SLC36A4: variants seen among roughly 807,000 people sequenced by gnomAD.
SLC36A4 encodes the protein neutral amino acid uniporter 4.
Under a neutral mutation model 50.5 loss-of-function variants are expected in SLC36A4, and 49 were observed. The ratio of observed to expected loss-of-function variants is 0.97; its 90% CI spans 0.77 to 1.23. SLC36A4 has a LOEUF of 1.23. SLC36A4 is among the 50% of genes most tolerant of loss of function. The pLI is 0.00. For synonymous variants in SLC36A4, 207 were observed against 206.5 expected, an observed-to-expected ratio of 1.00 and a Z score of -0.02; for missense variants, 611 against 608.4, an observed-to-expected ratio of 1.00 and a Z score of -0.05.
intron 1 of SLC36A4, among the ~76,000 whole-genome samples, chr11:93,189,373 A>G (rs1862119109): frequency 6.6e-6 from 1 of 151,968 alleles, no homozygotes; most frequent in Non-Finnish European, 1.5e-5. Context: ...ATCTTAACTA[A>G]TTACAGCTAC....
Position 93,148,067 on chromosome 11 carries a change from A to AT in SLC36A4, c.*469dup, listed in dbSNP as rs149081554. On this transcript the variant is annotated 3_prime_UTR_variant, in exon 11 of 11. Transcript: ENST00000326402. The stretch of plus-strand genomic sequence containing the variant: ...TTTGGCTAATAAAAACATAACTGAG[A>AT]TTTTTTTTTTTTACACTGTACATAA... The AT allele has an allele frequency of 0.043, 6,349 of 146,858 alleles. 182 individuals are homozygous for AT. Among genetic ancestry groups the AT allele is most frequent in the South Asian group, 0.1 (469 of 4,654 alleles). The allele number at this position is 146,858 out of a possible 1,614,324, so 9.1% of individuals were successfully genotyped here. A position where few individuals can be genotyped will look rare whatever the true frequency, so the allele number is the denominator to read the frequency against.
chr11:93,158,094 C>G lies in SLC36A4; in HGVS notation c.1038-3817G>C, dbSNP rs183775112. On this transcript the variant is annotated intron_variant, in intron 9 of 10. Transcript: ENST00000326402. The stretch of plus-strand genomic sequence containing the variant: ...TTAGGAAGGAAAGAACTCCTTAGAG[C>G]TAACAACATTTAAAACTTAATTTTA... 2.4e-3 allele frequency among the ~76,000 whole-genome samples: 360 copies of G among 152,272 alleles called. 3 individuals carry two copies. The highest frequency in any genetic ancestry group is 8.2e-3 in the African/African-American group (339 of 41,568).
rs1350465682 is a variant in SLC36A4 at position 93,197,960 on chromosome 11, G to A, written c.-128C>T. ...CGCCTGGTGCCCGCCTCCCTGCCCC[G>A]GCGCTCCCCAACCGCGCGGCGAGGA... On this transcript the variant is annotated 5_prime_UTR_variant, in exon 1 of 11. Coordinates refer to ENST00000326402, the MANE Select transcript of SLC36A4 (RefSeq NM_152313.4). 5 of 999,560 alleles carry A rather than the reference G, an allele frequency of 5.0e-6. No individual in the cohort carries two copies. The highest frequency in any genetic ancestry group is 3.3e-5 in the East Asian group (1 of 30,568). 61.9% of individuals were successfully genotyped at this position (999,560 alleles called of 1,614,324 possible). A position where few individuals can be genotyped will look rare whatever the true frequency, so the allele number is the denominator to read the frequency against.
At chr11:93,193,736 A>G (rs1387882347) in intron 1 of SLC36A4, among the ~76,000 whole-genome samples, 1 of 152,144 alleles carries the variant, frequency 6.6e-6, no homozygotes, top group Non-Finnish European at 1.5e-5. Flanking sequence ...GCCTAAAACC[A>G]ATATAAATTT....
chr11:93,184,989 TAAG>T (rs1324173748), intron 2 of SLC36A4, among the ~76,000 whole-genome samples: 2 of 152,126 alleles, frequency 1.3e-5, no homozygotes, highest in Non-Finnish European at 2.9e-5. Context: ...ATTGTCAACC[TAAG>T]AAGTTAATTT....
intron 9 of SLC36A4, among the ~76,000 whole-genome samples, chr11:93,156,004 C>G (rs1412389319): frequency 6.6e-6 from 1 of 152,130 alleles, no homozygotes; most frequent in Non-Finnish European, 1.5e-5. Context: ...AATTCCGTAT[C>G]TTTGCTATTG....
At chr11:93,160,210 G>T (rs1860557154) in intron 9 of SLC36A4, 21 of 985,272 alleles carry the variant, frequency 2.1e-5, no homozygotes, top group Non-Finnish European at 2.4e-5. Flanking sequence ...CAACTGCAGA[G>T]TCCACACAGA....
At chr11:93,151,304 AC>A (rs1216907345) in intron 10 of SLC36A4, among the ~76,000 whole-genome samples, 1 of 152,018 alleles carries the variant, frequency 6.6e-6, no homozygotes, top group East Asian at 1.9e-4. Context: ...AGTACTAATC[AC>A]ACTTATTCAG....
intron 1 of SLC36A4, among the ~76,000 whole-genome samples, chr11:93,187,306 C>T (rs1862030210): frequency 6.6e-6 from 1 of 152,072 alleles, no homozygotes; most frequent in South Asian, 2.1e-4. Context: ...TGGGGTTGAC[C>T]ATGCTAAGTC....
At chr11:93,172,157 A>T (rs1861176480) in intron 6 of SLC36A4, among the ~76,000 whole-genome samples, 1 of 152,304 alleles carries the variant, frequency 6.6e-6, no homozygotes, top group East Asian at 1.9e-4. Context: ...AAAAAATAAT[A>T]AAATGAGGGT....
chr11:93,155,740 C>G (rs1860327129), intron 9 of SLC36A4, among the ~76,000 whole-genome samples: 1 of 152,022 alleles, frequency 6.6e-6, no homozygotes, highest in African/African-American at 2.4e-5. Flanking sequence ...ACCCTTCACC[C>G]TCAATAGGCC....
Position 93,174,692 on chromosome 11 carries a change from T to G in SLC36A4, c.540+6105A>C, listed in dbSNP as rs929967773. On this transcript the variant is annotated intron_variant, in intron 6 of 10. Coordinates refer to ENST00000326402, the MANE Select transcript of SLC36A4 (RefSeq NM_152313.4). ...AATTTTGTCAAAGGCTTTTTCTGCATCTATTGAGATAATCATGTGGTTTTT... is the reference window on the plus strand; with the variant it reads ...AATTTTGTCAAAGGCTTTTTCTGCAGCTATTGAGATAATCATGTGGTTTTT... 2.2e-5 allele frequency among the ~76,000 whole-genome samples: 3 copies of G among 139,344 alleles called. No homozygotes were observed. In the Admixed American group the frequency reaches 2.3e-4, roughly 10 times the overall value. The allele number at this position is 139,344 out of a possible 152,430, so 91.4% of individuals were successfully genotyped here. A position where few individuals can be genotyped will look rare whatever the true frequency, so the allele number is the denominator to read the frequency against.
chr11:93,173,553 T>G (rs2134673234), intron 6 of SLC36A4, among the ~76,000 whole-genome samples: 1 of 143,642 alleles, frequency 7.0e-6, no homozygotes, highest in South Asian at 2.3e-4. Context: ...ATGCCTAGGT[T>G]TTCTTCTAGG....
At chr11:93,156,540 C>T (rs1860373449) in intron 9 of SLC36A4, among the ~76,000 whole-genome samples, 1 of 152,020 alleles carries the variant, frequency 6.6e-6, no homozygotes, top group Non-Finnish European at 1.5e-5. Flanking sequence ...CTGCCTCAAC[C>T]TCCCAAGTAG....
At chr11:93,162,948 C>A (rs1430586923) in intron 8 of SLC36A4, 73 bp from the exon 9 acceptor site, 5 of 1,434,850 alleles carry the variant, frequency 3.5e-6, no homozygotes, top group Non-Finnish European at 3.8e-6. Context: ...CTTATACATA[C>A]AAATTGGTTG....
chr11:93,148,705 C>T lies in SLC36A4; in HGVS notation c.1347G>A (p.Met449Ile). The T allele has an allele frequency of 6.2e-7, 1 of 1,612,720 alleles. No homozygotes were observed. The highest frequency in any genetic ancestry group is 8.5e-7 in the Non-Finnish European group (1 of 1,179,298). Reference sequence around the variant, plus strand: ...ATGCTATAGAAATATTTTTCAGGACCATCCATATATTATAATGTTCCTTCG... The same window carrying T: ...ATGCTATAGAAATATTTTTCAGGACTATCCATATATTATAATGTTCCTTCG... Reference protein sequence around the residue: ...TFSKEHYNIWMVLKNISIAFT... With the variant: ...TFSKEHYNIWIVLKNISIAFT... Residue 449 changes from methionine (M) to isoleucine (I), a missense_variant, in exon 11 of 11, where the codon ATG becomes ATA. Transcript: ENST00000326402.
At chr11:93,160,340 T>C (rs1860564778) in intron 9 of SLC36A4, 1 of 985,310 alleles carries the variant, frequency 1.0e-6, no homozygotes. Flanking sequence ...ATTTTTGTTG[T>C]TTCTTAGGAT....
Position 93,148,462 on chromosome 11 carries a change from G to T in SLC36A4, c.*75C>A. The T allele has an allele frequency of 8.1e-7, 1 of 1,229,632 alleles. No individual in the cohort carries two copies. The highest frequency in any genetic ancestry group is 1.2e-6 in the Non-Finnish European group (1 of 856,842). 76.2% of individuals were successfully genotyped at this position (1,229,632 alleles called of 1,614,324 possible). A position where few individuals can be genotyped will look rare whatever the true frequency, so the allele number is the denominator to read the frequency against. On this transcript the variant is annotated 3_prime_UTR_variant, in exon 11 of 11. Coordinates refer to ENST00000326402, the MANE Select transcript of SLC36A4 (RefSeq NM_152313.4). Reference sequence around the variant, plus strand: ...GTTTGTTACCATTTTTATGTATATAGCAATGTATTTTACTAGTTATCTTGA... The same window carrying T: ...GTTTGTTACCATTTTTATGTATATATCAATGTATTTTACTAGTTATCTTGA...
At chr11:93,190,549 C>T (rs1862173779) in intron 1 of SLC36A4, among the ~76,000 whole-genome samples, 1 of 152,118 alleles carries the variant, frequency 6.6e-6, no homozygotes. Context: ...CAGGAAACTC[C>T]TTTAACTCTC....
Sources: allele counts gnomAD v4.1 joint callset (sites outside exome capture counted in the v4.1 genomes callset), GRCh38; gene constraint gnomAD v4.1.1; transcripts MANE v1.5; gene names NCBI Gene and HGNC (gene_info 2026-07-23, HGNC 2026-07-21).